UGT2B4: variants seen among roughly 807,000 people sequenced by gnomAD.
UGT2B4 encodes the protein UDP-glucuronosyltransferase 2B4.
Under a neutral mutation model 49.8 loss-of-function variants are expected in UGT2B4, and 49 were observed. The ratio of observed to expected loss-of-function variants is 0.98; its 90% confidence interval spans 0.78 to 1.25. UGT2B4 has a LOEUF of 1.25. Ranked by LOEUF, UGT2B4 falls within the 50% of genes most tolerant of loss-of-function variation. UGT2B4 has a pLI of 0.00. For missense variants in UGT2B4, 729 were observed against 627.7 expected, an observed-to-expected ratio of 1.16 and a Z score of -1.73; for synonymous variants, 246 against 217.7, an observed-to-expected ratio of 1.13 and a Z score of -1.14.
chr4:69,499,303 A>T (rs1456081873), upstream of UGT2B4, among the ~76,000 whole-genome samples: 3 of 152,188 alleles, frequency 2.0e-5, no homozygotes, highest in East Asian at 5.8e-4. Flanking sequence ...ATTTTAGAGT[A>T]AGTGCAATGC....
chr4:69,512,421 GTTGT>G (rs1485020127), intron 1 of UGT2B4, among the ~76,000 whole-genome samples: 3 of 151,836 alleles, frequency 2.0e-5, no homozygotes, highest in Non-Finnish European at 4.4e-5. Context: ...TCGACAGTGT[GTTGT>G]TTATTTTTTA....
At chr4:69,513,239 C>A (rs1356769046) in intron 1 of UGT2B4, among the ~76,000 whole-genome samples, 3 of 152,120 alleles carry the variant, frequency 2.0e-5, no homozygotes, top group Non-Finnish European at 4.4e-5. Flanking sequence ...AATCTTTAAT[C>A]CATCTTGAGT....
At chr4:69,519,594 C>T (rs1438138729) in intron 1 of UGT2B4, among the ~76,000 whole-genome samples, 2 of 152,166 alleles carry the variant, frequency 1.3e-5, no homozygotes, top group African/African-American at 2.4e-5. Flanking sequence ...ACCTGCCTCC[C>T]GTTTTATTCC....
At chr4:69,489,799 G>A (rs1364105835) in intron 2 of UGT2B4, among the ~76,000 whole-genome samples, 8 of 152,078 alleles carry the variant, frequency 5.3e-5, no homozygotes, top group East Asian at 1.9e-4. Flanking sequence ...ATGTGTGTGC[G>A]TTTGTGAAAG....
chr4:69,507,316 A>G (rs913541094), intron 1 of UGT2B4, among the ~76,000 whole-genome samples: 2 of 152,242 alleles, frequency 1.3e-5, no homozygotes, highest in African/African-American at 4.8e-5. Context: ...TCCTATATCT[A>G]GAAAACTCCA....
intron 1 of UGT2B4, among the ~76,000 whole-genome samples, chr4:69,510,977 C>CCTTTTTTTTTTTT (rs1486311871): frequency 2.0e-5 from 2 of 98,168 alleles, no homozygotes; most frequent in African/African-American, 3.6e-5. Context: ...AATACTCTTT[C>CCTTTTTTTTTTTT]TTTTCTTTTC....
upstream of UGT2B4, among the ~76,000 whole-genome samples, chr4:69,497,789 A>T (rs529924726): frequency 7.9e-5 from 12 of 152,364 alleles, no homozygotes; most frequent in Middle Eastern, 3.4e-3. Context: ...AGACTTTCAG[A>T]GGATTGATTC....
Position 69,495,849 on chromosome 4 carries a change from A to T in UGT2B4, c.13T>A (p.Trp5Arg). 1 of 1,591,426 alleles carries T rather than the reference A, an allele frequency of 6.3e-7. No homozygotes were observed. The highest frequency in any genetic ancestry group is 8.5e-7 in the Non-Finnish European group (1 of 1,172,078). Reference sequence around the variant, plus strand: ...TGTATCAGCAGAAGAGCTGAAGTCCATTTCATAGACATCCTGATGCAATGC... The same window carrying T: ...TGTATCAGCAGAAGAGCTGAAGTCCTTTTCATAGACATCCTGATGCAATGC... MSMK[W>R]TSALLLIQLS... is the part of the protein sequence containing the mutation. The change falls in exon 1 of 6, where the codon TGG becomes AGG. Residue 5 changes from tryptophan (W) to arginine (R), a missense_variant. Trp to Arg is a moderately radical substitution (Grantham distance 101). Coordinates refer to ENST00000305107, the MANE Select transcript of UGT2B4 (RefSeq NM_021139.3).
At chr4:69,488,380 AC>A (rs1179204879) in intron 3 of UGT2B4, among the ~76,000 whole-genome samples, 1 of 151,212 alleles carries the variant, frequency 6.6e-6, no homozygotes, top group Admixed American at 6.6e-5. Flanking sequence ...TAATTTTGGA[AC>A]CCCCAAGGAA....
intron 1 of UGT2B4, among the ~76,000 whole-genome samples, chr4:69,520,412 G>A (rs1466095425): frequency 6.6e-6 from 1 of 152,196 alleles, no homozygotes; most frequent in Admixed American, 6.5e-5. Flanking sequence ...ATCCTTTTCT[G>A]AGTTGGCAGG....
intron 3 of UGT2B4, among the ~76,000 whole-genome samples, chr4:69,487,572 A>G (rs1270676091): frequency 1.3e-5 from 2 of 152,036 alleles, no homozygotes; most frequent in Non-Finnish European, 2.9e-5. Flanking sequence ...GAGAGGAATA[A>G]CATACACTGG....
At chr4:69,517,376 G>T (rs1728757348) in intron 1 of UGT2B4, among the ~76,000 whole-genome samples, 1 of 152,052 alleles carries the variant, frequency 6.6e-6, no homozygotes, top group Non-Finnish European at 1.5e-5. Context: ...TAATAGAAAT[G>T]GAATAAAATT....
chr4:69,516,476 G>A (rs1332304804), intron 1 of UGT2B4, among the ~76,000 whole-genome samples: 3 of 152,092 alleles, frequency 2.0e-5, no homozygotes, highest in Non-Finnish European at 4.4e-5. Context: ...CTTTTTCTCT[G>A]CACCCTTGCC....
At chr4:69,498,504 CTT>C (rs112691314), upstream of UGT2B4, among the ~76,000 whole-genome samples, 2,740 of 141,326 alleles carry the variant, frequency 0.019, 85 homozygotes, top group African/African-American at 0.065. Flanking sequence ...TGATTTTGGG[CTT>C]TTTTTTTTTT....
chr4:69,502,059 C>T (rs1728331941), intron 1 of UGT2B4, among the ~76,000 whole-genome samples: 2 of 144,332 alleles, frequency 1.4e-5, no homozygotes. Flanking sequence ...CTCTCTTTCC[C>T]TTCCTTCCTT....
chr4:69,508,915 C>A (rs1728540502), intron 1 of UGT2B4, among the ~76,000 whole-genome samples: 2 of 152,110 alleles, frequency 1.3e-5, no homozygotes, highest in African/African-American at 2.4e-5. Flanking sequence ...CATTGTGCAG[C>A]AGATCTCTAG....
intron 1 of UGT2B4, 108 bp from the exon 2 acceptor site, chr4:69,493,949 G>C (rs1728071311): frequency 2.3e-6 from 3 of 1,280,418 alleles, no homozygotes; most frequent in African/African-American, 1.6e-5. Context: ...CAAAGTGTTT[G>C]TGCCTTGAAA....
chr4:69,501,693 T>C (rs888195531), intron 1 of UGT2B4, among the ~76,000 whole-genome samples: 3 of 151,994 alleles, frequency 2.0e-5, no homozygotes, highest in African/African-American at 7.2e-5. Flanking sequence ...AGGTATAGGG[T>C]TAGTATAGAG....
At chr4:69,511,057 G>A (rs1417772938) in intron 1 of UGT2B4, among the ~76,000 whole-genome samples, 3 of 144,456 alleles carry the variant, frequency 2.1e-5, no homozygotes, top group Non-Finnish European at 4.5e-5. Flanking sequence ...GCACAAACTA[G>A]GTAGGCTCAC....
Sources: gnomAD v4.1 joint callset for allele counts (sites outside exome capture counted in the v4.1 genomes callset) on GRCh38, gnomAD v4.1.1 for gene constraint, MANE v1.5 for transcripts, NCBI Gene and HGNC (gene_info 2026-07-23, HGNC 2026-07-21) for gene names.